The following PRMT7 variants were observed in gnomAD, a reference collection of about 807,000 sequenced individuals.
The protein encoded by PRMT7 is protein arginine N-methyltransferase 7.
A neutral mutation model predicts 85.4 loss-of-function variants in PRMT7; 75 were observed. The ratio of observed to expected loss-of-function variants is 0.88; its 90% CI spans 0.73 to 1.06. The LOEUF (loss-of-function observed/expected upper bound fraction) is 1.06. Ranked by LOEUF, PRMT7 falls within the 50% of genes least tolerant of loss-of-function variation. PRMT7 has a pLI of 0.00. For synonymous variants in PRMT7, 397 were observed against 359.5 expected, an observed-to-expected ratio of 1.10 and a Z score of -1.18; for missense variants, 868 against 915.2, an observed-to-expected ratio of 0.95 and a Z score of 0.67.
chr16:68,317,905 G>T (rs758420937), intron 3 of PRMT7, among the ~76,000 whole-genome samples: 8 of 151,932 alleles, frequency 5.3e-5, no homozygotes, highest in Non-Finnish European at 7.4e-5. Flanking sequence ...GTTTAGTGCA[G>T]CTGGAGTGTG....
In PRMT7 at chr16:68,316,226, T is replaced by G. The variant is rs533845647; in HGVS notation, c.95+152T>G. The G allele has an allele frequency of 7.2e-5, 46 of 634,688 alleles. No homozygotes were observed. The African/African-American group carries it at 7.8e-4, about 11-fold the overall frequency. The allele number at this position is 634,688 out of a possible 1,614,324, so 39.3% of individuals were successfully genotyped here. A position where few individuals can be genotyped will look rare whatever the true frequency, so the allele number is the denominator to read the frequency against. On this transcript the variant is annotated intron_variant, in intron 3 of 18. Coordinates refer to ENST00000441236, the MANE Select transcript of PRMT7 (RefSeq NM_019023.5). ...TCCTGAGCAGGTCTGCTCAGCCAGG[T>G]AGGTATATGTAGCAGTTAGGCAAAA...
chr16:68,358,736 G>A (rs1488191445), downstream of PRMT7: 2 of 152,536 alleles, frequency 1.3e-5, no homozygotes, highest in Non-Finnish European at 2.9e-5. Flanking sequence ...TGGGCCTAGG[G>A]CAGGAACAGA....
At chr16:68,336,644 G>A (rs2084735019) in intron 6 of PRMT7, among the ~76,000 whole-genome samples, 1 of 152,144 alleles carries the variant, frequency 6.6e-6, no homozygotes, top group African/African-American at 2.4e-5. Context: ...CTCTCTAATT[G>A]CTAATAGGGA....
rs748770581 is a variant in PRMT7 at position 68,346,253 on chromosome 16, T to G, written c.1164T>G (p.Thr388=). The G allele has an allele frequency of 1.9e-6, 3 of 1,614,060 alleles. No individual in the cohort carries two copies. Among genetic ancestry groups the G allele is most frequent in the Non-Finnish European group, 2.5e-6 (3 of 1,180,002 alleles). Reference sequence around the variant, plus strand: ...GAGAGATCAATGACCAGGACAGAACTGATCGATACGTCCAGGCTCTGAGGA... The same window carrying G: ...GAGAGATCAATGACCAGGACAGAACGGATCGATACGTCCAGGCTCTGAGGA... ...RFGEINDQDR[T]DRYVQALRTV... is the part of the protein sequence containing the mutation. Residue 388 remains threonine, a synonymous_variant, in exon 11 of 19, where the codon ACT becomes ACG. Transcript: ENST00000441236.
chr16:68,357,496 C>G lies in PRMT7; in HGVS notation c.*272C>G, dbSNP rs2088806780. 4.9e-6 allele frequency: 2 copies of G among 406,580 alleles called. No individual in the cohort carries two copies. Among genetic ancestry groups the G allele is most frequent in the Non-Finnish European group, 8.8e-6 (2 of 227,872 alleles). 25.2% of individuals were successfully genotyped at this position (406,580 alleles called of 1,614,324 possible). On this transcript the variant is annotated 3_prime_UTR_variant, in exon 19 of 19. Transcript: ENST00000441236. ...GTGCTTCTGAGGTGCTGAGAATGCTCCAACACAGAGACATCTCTCCCCAGC... is the reference window on the plus strand; with the variant it reads ...GTGCTTCTGAGGTGCTGAGAATGCTGCAACACAGAGACATCTCTCCCCAGC...
intron 7 of PRMT7, among the ~76,000 whole-genome samples, chr16:68,338,532 A>G (rs2085032664): frequency 6.6e-6 from 1 of 152,050 alleles, no homozygotes; most frequent in Non-Finnish European, 1.5e-5. Flanking sequence ...GGAGGGAGAC[A>G]GTCCGGACCA....
intron 18 of PRMT7, 112 bp downstream of exon 18, chr16:68,356,909 C>T: frequency 7.3e-7 from 1 of 1,367,766 alleles, no homozygotes; most frequent in Non-Finnish European, 1.0e-6. Flanking sequence ...GTTCTTCGGG[C>T]CAGATGATGA....
intron 4 of PRMT7, 107 bp from the exon 5 acceptor site, chr16:68,324,576 G>A: frequency 7.2e-7 from 1 of 1,381,370 alleles, no homozygotes; most frequent in Non-Finnish European, 1.0e-6. Flanking sequence ...AAGGCCATAG[G>A]GCCCTGACTT....
At chr16:68,323,081 T>G (rs1286843425) in intron 4 of PRMT7, among the ~76,000 whole-genome samples, 1 of 152,174 alleles carries the variant, frequency 6.6e-6, no homozygotes, top group East Asian at 1.9e-4. Context: ...TCATACTGAT[T>G]GTATCTAAGA....
chr16:68,339,762 T>C (rs2085241374), intron 8 of PRMT7, 26 bp from the exon 9 acceptor site: 3 of 1,607,062 alleles, frequency 1.9e-6, no homozygotes, highest in East Asian at 2.2e-5. Flanking sequence ...TAAACTCTGC[T>C]TACATTCTTG....
At chr16:68,343,614 G>A (rs188393725) in intron 9 of PRMT7, among the ~76,000 whole-genome samples, 2 of 152,202 alleles carry the variant, frequency 1.3e-5, no homozygotes, top group Admixed American at 6.5e-5. Flanking sequence ...CATGATGACA[G>A]GGCAGTGCCA....
At chr16:68,351,180 G>T (rs1567734603) in intron 14 of PRMT7, among the ~76,000 whole-genome samples, 1 of 152,194 alleles carries the variant, frequency 6.6e-6, no homozygotes, top group Non-Finnish European at 1.5e-5. Context: ...TGTGTGGGGA[G>T]GCGAGGAAGC....
At chr16:68,347,430 G>T (rs1324671296) in intron 12 of PRMT7, 136 bp downstream of exon 12, 6 of 1,083,818 alleles carry the variant, frequency 5.5e-6, no homozygotes, top group Middle Eastern at 4.1e-4. Flanking sequence ...CGGGTCAGGG[G>T]CTGGGGGGTT....
In PRMT7 at chr16:68,357,226, C is replaced by G. The variant is rs762771567; in HGVS notation, c.*2C>G. On this transcript the variant is annotated 3_prime_UTR_variant, in exon 19 of 19. Coordinates refer to ENST00000441236, the MANE Select transcript of PRMT7 (RefSeq NM_019023.5). ...AGGCATGCAGATACCCCAGACTGACCACTCTTGAGCAATAAAGTGGCCTGA... is the reference window on the plus strand; with the variant it reads ...AGGCATGCAGATACCCCAGACTGACGACTCTTGAGCAATAAAGTGGCCTGA... The G allele has an allele frequency of 1.2e-6, 2 of 1,605,914 alleles. No individual in the cohort carries two copies. Among genetic ancestry groups the G allele is most frequent in the Admixed American group, 1.7e-5 (1 of 58,942 alleles).
At chr16:68,325,776 G>A (rs7194335) in intron 5 of PRMT7, among the ~76,000 whole-genome samples, 19,982 of 152,114 alleles carry the variant, frequency 0.13, 1,376 homozygotes, top group South Asian at 0.16. Flanking sequence ...GGGCGACAGA[G>A]TGAGACTCCA....
chr16:68,356,025 G>A lies in PRMT7; in HGVS notation c.1811+142G>A, dbSNP rs117337652. 4.2e-4 allele frequency: 411 copies of A among 974,054 alleles called. 4 individuals carry two copies. The East Asian group carries it at 0.011, about 27-fold the overall frequency. The allele number at this position is 974,054 out of a possible 1,614,324, so 60.3% of individuals were successfully genotyped here. A position where few individuals can be genotyped will look rare whatever the true frequency, so the allele number is the denominator to read the frequency against. On this transcript the variant is annotated intron_variant, in intron 17 of 18. Coordinates refer to ENST00000441236, the MANE Select transcript of PRMT7 (RefSeq NM_019023.5). ...CCTCCCCACAACCTTGCCCTTCCCT[G>A]TCAGAGTGGCCCTGCGCGTGTGGTG...
chr16:68,331,420 T>C (rs1053518087), intron 6 of PRMT7, among the ~76,000 whole-genome samples: 1 of 152,086 alleles, frequency 6.6e-6, no homozygotes, highest in African/African-American at 2.4e-5. Context: ...GCATCTAATA[T>C]GCTGTTAAGT....
chr16:68,312,387 C>T (rs1371159734), intron 2 of PRMT7, among the ~76,000 whole-genome samples: 1 of 151,774 alleles, frequency 6.6e-6, no homozygotes, highest in South Asian at 2.1e-4. Flanking sequence ...CACAGGCCAC[C>T]GCGCCCGGCT....
At chr16:68,316,983 C>T (rs1410474996) in intron 3 of PRMT7, 10 of 5,744 alleles carry the variant, frequency 1.7e-3, no homozygotes, top group Non-Finnish European at 3.2e-3. Flanking sequence ...AGGCAAAGGG[C>T]GGGCGGGCGG....
Sources: gnomAD v4.1 joint callset for allele counts (sites outside exome capture counted in the v4.1 genomes callset) on GRCh38, gnomAD v4.1.1 for gene constraint, MANE v1.5 for transcripts, NCBI Gene and HGNC (gene_info 2026-07-23, HGNC 2026-07-21) for gene names.